Variants in RABGAP1L observed in about 807,000 individuals in gnomAD.
RABGAP1L encodes rab GTPase-activating protein 1-like.
In RABGAP1L, 63 loss-of-function variants were observed where a neutral mutation model predicts 137.7. That is an observed-to-expected ratio of 0.46 (90% confidence interval 0.37 to 0.56). The LOEUF (loss-of-function observed/expected upper bound fraction) is 0.56, where lower values mean the gene tolerates loss of function less well. Ranked by LOEUF, RABGAP1L falls within the 20% of genes least tolerant of loss-of-function variation. The pLI, the probability that RABGAP1L is intolerant of heterozygous loss-of-function variation, is 0.00. For synonymous variants in RABGAP1L, 431 were observed against 433.7 expected, an observed-to-expected ratio of 0.99 and a Z score of 0.08; for missense variants, 1,095 against 1,244.0, an observed-to-expected ratio of 0.88 and a Z score of 1.80.
At chr1:174,622,783 A>T (rs1378767437) in intron 13 of RABGAP1L, among the ~76,000 whole-genome samples, 1 of 152,238 alleles carries the variant, frequency 6.6e-6, no homozygotes, top group East Asian at 1.9e-4. Context: ...GCAGCACACC[A>T]GCATGGCACA....
At chr1:174,195,605 CTTTCTTT>C (rs1346292645) in intron 1 of RABGAP1L, among the ~76,000 whole-genome samples, 39 of 77,586 alleles carry the variant, frequency 5.0e-4, no homozygotes, top group Middle Eastern at 6.0e-3. Flanking sequence ...TTCTTTCTTT[CTTTCTTT>C]CTTTCTTCCT....
At chr1:174,492,010 C>G (rs143838967) in intron 13 of RABGAP1L, among the ~76,000 whole-genome samples, 58 of 152,212 alleles carry the variant, frequency 3.8e-4, no homozygotes, top group Non-Finnish European at 6.0e-4. Context: ...TTCAATGCCT[C>G]TTTCTGTAAT....
intron 1 of RABGAP1L, among the ~76,000 whole-genome samples, chr1:174,165,960 G>C (rs867332575): frequency 6.6e-6 from 1 of 152,192 alleles, no homozygotes; most frequent in African/African-American, 2.4e-5. Flanking sequence ...GAAAGAGTCC[G>C]TTAGCACCAG....
chr1:174,301,926 G>GAC (rs2148759141), intron 10 of RABGAP1L, among the ~76,000 whole-genome samples: 1 of 152,314 alleles, frequency 6.6e-6, no homozygotes, highest in African/African-American at 2.4e-5. Flanking sequence ...TGGTGGATTT[G>GAC]ACTTGTAACT....
chr1:174,181,495 G>A (rs761241615), intron 1 of RABGAP1L, among the ~76,000 whole-genome samples: 2 of 151,886 alleles, frequency 1.3e-5, no homozygotes, highest in Admixed American at 1.3e-4. Flanking sequence ...CTGCCACCAC[G>A]CCCAGCTCAT....
At chr1:174,740,892 C>G (rs1683341665) in intron 17 of RABGAP1L, among the ~76,000 whole-genome samples, 1 of 152,034 alleles carries the variant, frequency 6.6e-6, no homozygotes, top group African/African-American at 2.4e-5. Context: ...TATTCATATA[C>G]TTTGCCCAAG....
At chr1:174,270,842 A>T (rs1367671093) in intron 7 of RABGAP1L, among the ~76,000 whole-genome samples, 1 of 152,154 alleles carries the variant, frequency 6.6e-6, no homozygotes, top group African/African-American at 2.4e-5. Context: ...AAAACAAAAA[A>T]CCATTAGAGA....
At chr1:174,303,000 A>G (rs555320150) in intron 10 of RABGAP1L, among the ~76,000 whole-genome samples, 7 of 152,166 alleles carry the variant, frequency 4.6e-5, no homozygotes, top group African/African-American at 1.7e-4. Context: ...GTTGTGGAGT[A>G]CTTATAAAGT....
intron 15 of RABGAP1L, among the ~76,000 whole-genome samples, chr1:174,692,465 G>C (rs914257903): frequency 6.6e-6 from 1 of 152,120 alleles, no homozygotes; most frequent in African/African-American, 2.4e-5. Context: ...TTCCCTCTGA[G>C]CTTGTATACA....
intron 20 of RABGAP1L, among the ~76,000 whole-genome samples, chr1:174,961,894 C>T (rs923857179): frequency 7.2e-5 from 10 of 139,686 alleles, no homozygotes; most frequent in Admixed American, 7.1e-5. Flanking sequence ...CAGCAGCTCA[C>T]GCCTGTAATC....
chr1:174,806,209 T>C (rs1490104803), intron 18 of RABGAP1L, among the ~76,000 whole-genome samples: 4 of 152,230 alleles, frequency 2.6e-5, no homozygotes, highest in Admixed American at 6.5e-5. Context: ...CGCAAGATCA[T>C]TCGTTAAGCC....
chr1:174,250,868 T>G (rs531241781), intron 6 of RABGAP1L, among the ~76,000 whole-genome samples: 39 of 152,316 alleles, frequency 2.6e-4, no homozygotes, highest in African/African-American at 8.9e-4. Context: ...TGGCACGATC[T>G]CGACTCACTG....
At chr1:174,340,204 CTTTA>C (rs1442084392) in intron 11 of RABGAP1L, among the ~76,000 whole-genome samples, 1 of 152,088 alleles carries the variant, frequency 6.6e-6, no homozygotes, top group East Asian at 1.9e-4. Context: ...ACATGTTTCT[CTTTA>C]TTTCTTTCTA....
chr1:174,711,713 C>T (rs573167648), intron 17 of RABGAP1L, among the ~76,000 whole-genome samples: 167 of 152,320 alleles, frequency 1.1e-3, no homozygotes, highest in Admixed American at 3.5e-3. Context: ...CCCGCACGCC[C>T]GAGCCTCCCT....
intron 14 of RABGAP1L, among the ~76,000 whole-genome samples, chr1:174,642,487 G>A (rs1233115035): frequency 6.6e-6 from 1 of 152,066 alleles, no homozygotes; most frequent in Non-Finnish European, 1.5e-5. Context: ...GGGGGTATTT[G>A]TGATTATGAG....
Position 174,210,366 on chromosome 1 carries a change from T to C in RABGAP1L, c.-33-8759T>C, listed in dbSNP as rs184822658. ...AACACAGAGAAGGAATTCAGAATTC[T>C]ATCAGATATATTGAACACAGATTTA... On this transcript the variant is annotated intron_variant, in intron 1 of 25. Coordinates refer to ENST00000681986, the MANE Select transcript of RABGAP1L (RefSeq NM_001366446.1). 4.1e-3 allele frequency among the ~76,000 whole-genome samples: 621 copies of C among 152,324 alleles called. 3 individuals are homozygous for C. The highest frequency in any genetic ancestry group is 4.4e-3 in the South Asian group (21 of 4,820).
At chr1:174,823,241 A>G (rs984767674) in intron 19 of RABGAP1L, among the ~76,000 whole-genome samples, 2 of 152,158 alleles carry the variant, frequency 1.3e-5, no homozygotes, top group Non-Finnish European at 2.9e-5. Flanking sequence ...AAGAGTTTCC[A>G]TATTTTGTTT....
intron 11 of RABGAP1L, among the ~76,000 whole-genome samples, chr1:174,366,860 A>G (rs539608259): frequency 8.6e-4 from 131 of 152,152 alleles, no homozygotes; most frequent in African/African-American, 3.0e-3. Context: ...TCAAGGAACT[A>G]AAGAAGTCAA....
At chr1:174,176,995 G>A (rs1665943401) in intron 1 of RABGAP1L, among the ~76,000 whole-genome samples, 1 of 152,142 alleles carries the variant, frequency 6.6e-6, no homozygotes, top group Non-Finnish European at 1.5e-5. Context: ...ACAATTGCTT[G>A]AACCCAGGAG....
Sources: gnomAD v4.1 joint callset for allele counts (sites outside exome capture counted in the v4.1 genomes callset) on GRCh38, gnomAD v4.1.1 for gene constraint, MANE v1.5 for transcripts, NCBI Gene and HGNC (gene_info 2026-07-23, HGNC 2026-07-21) for gene names.